The following CELF2 variants were observed in gnomAD, a reference collection of about 807,000 sequenced individuals.
CELF2 encodes the protein CUG triplet repeat RNA-binding protein 2.
CELF2 carries 8 observed loss-of-function variants against 62.6 expected under a neutral mutation model. The observed-to-expected ratio is 0.13, with a 90% CI of 0.07 to 0.23. The LOEUF (loss-of-function observed/expected upper bound fraction) is 0.23, where lower values mean the gene tolerates loss of function less well. Ranked by LOEUF, CELF2 falls within the 10% of genes least tolerant of loss-of-function variation. The pLI is 1.00. For missense variants in CELF2, 333 were observed against 671.0 expected, an observed-to-expected ratio of 0.50 and a Z score of 5.56; for synonymous variants, 258 against 250.0, an observed-to-expected ratio of 1.03 and a Z score of -0.30.
At chr10:10,480,914 A>T in the CELF2 span, among the ~76,000 whole-genome samples, 1 of 152,130 alleles carries the variant, frequency 6.6e-6, no homozygotes, top group African/African-American at 2.4e-5. Flanking sequence ...ATGATAAAGA[A>T]TCTTGCCCAG....
the CELF2 span, among the ~76,000 whole-genome samples, chr10:10,505,122 T>C: frequency 3.9e-5 from 6 of 152,180 alleles, no homozygotes; most frequent in Non-Finnish European, 5.9e-5. Context: ...ACCTAGACAT[T>C]TTTGTCTTAA....
chr10:10,739,993 T>C, the CELF2 span, among the ~76,000 whole-genome samples: 1 of 152,148 alleles, frequency 6.6e-6, no homozygotes, highest in African/African-American at 2.4e-5. Context: ...GCTGTGTGAG[T>C]TCCTGACATA....
chr10:10,501,709 G>A, the CELF2 span, among the ~76,000 whole-genome samples: 1 of 152,108 alleles, frequency 6.6e-6, no homozygotes, highest in Non-Finnish European at 1.5e-5. Context: ...TATGTAGGCA[G>A]TCATATCACT....
At chr10:10,574,872 GTTTTT>G in the CELF2 span, among the ~76,000 whole-genome samples, 1,312 of 105,982 alleles carry the variant, frequency 0.012, 59 homozygotes, top group East Asian at 0.099. Context: ...ACCATGCCTG[GTTTTT>G]TTTTTTTTTT....
chr10:11,197,025 AAAAG>A lies in CELF2; in HGVS notation c.272-20368_272-20365del, dbSNP rs774383276. On this transcript the variant is annotated intron_variant, in intron 2 of 12. Transcript: ENST00000633077. ...AGGAGAAAGAAAGAAAGAAAGAAAG[AAAAG>A]AAAGAAAGAAAGAAAGAAAGAAAGA... Among the ~76,000 whole-genome samples the A allele has an allele frequency of 2.9e-3, 76 of 26,132 alleles. 21 individuals carry two copies. The highest frequency in any genetic ancestry group is 7.4e-3 in the African/African-American group (42 of 5,646). The allele number at this position is 26,132 out of a possible 152,430, so 17.1% of individuals were successfully genotyped here.
chr10:11,195,995 T>A (rs2057363760), intron 2 of CELF2, among the ~76,000 whole-genome samples: 1 of 151,626 alleles, frequency 6.6e-6, no homozygotes, highest in Non-Finnish European at 1.5e-5. Context: ...AAACCTCCTT[T>A]GTCCACGTCC....
At chr10:10,612,697 A>G in the CELF2 span, among the ~76,000 whole-genome samples, 1 of 152,098 alleles carries the variant, frequency 6.6e-6, no homozygotes, top group South Asian at 2.1e-4. Flanking sequence ...TAATCCTGTG[A>G]TACCCTTTGC....
rs1189552878 is a variant in CELF2, at chr10:10,934,556, A to G, written c.89+14557A>G. 2 of 152,238 alleles carry G rather than the reference A, an allele frequency of 1.3e-5. No individual in the cohort carries two copies. The highest frequency in any genetic ancestry group is 3.8e-4 in the East Asian group (2 of 5,202). The allele number at this position is 152,238 out of a possible 1,614,324, so 9.4% of individuals were successfully genotyped here. On this transcript the variant is annotated intron_variant, in intron 2 of 13. Transcript: ENST00000636488. This position sits in a 1 kb window ranked among gnomAD's most constrained non-coding sequence, Gnocchi z 4.4. ...AAACTAATCAATATTATTTGCTTAA[A>G]CTCAGGCAATGAAGGAGGGAGCGAG...
chr10:10,671,157 T>C, the CELF2 span, among the ~76,000 whole-genome samples: 1 of 115,504 alleles, frequency 8.7e-6, no homozygotes, highest in South Asian at 3.1e-4. Context: ...TACTGTGAGA[T>C]CCTGTCTCAA....
intron 2 of CELF2, among the ~76,000 whole-genome samples, chr10:11,202,218 T>C (rs759675860): frequency 6.6e-6 from 1 of 152,226 alleles, no homozygotes; most frequent in Non-Finnish European, 1.5e-5. Context: ...GCGTATAAGA[T>C]TGACTAGTAA....
At chr10:10,914,599 G>A (rs181060507) in intron 1 of CELF2, among the ~76,000 whole-genome samples, 10 of 151,994 alleles carry the variant, frequency 6.6e-5, no homozygotes, top group East Asian at 1.9e-4. Flanking sequence ...TCAAATTTGC[G>A]GAGAGCTTTC....
the CELF2 span, among the ~76,000 whole-genome samples, chr10:10,661,555 G>A: frequency 3.3e-5 from 5 of 152,166 alleles, no homozygotes; most frequent in Admixed American, 3.3e-4. Context: ...GAGTGGAATT[G>A]CTGGCAAATG....
chr10:11,147,264 G>T (rs1034545469), intron 1 of CELF2, among the ~76,000 whole-genome samples: 1 of 152,128 alleles, frequency 6.6e-6, no homozygotes, highest in Admixed American at 6.5e-5. Flanking sequence ...TTTGGGAAAA[G>T]GAATCATACT....
At chr10:11,149,955 A>G (rs2063022036) in intron 1 of CELF2, among the ~76,000 whole-genome samples, 1 of 152,220 alleles carries the variant, frequency 6.6e-6, no homozygotes, top group Non-Finnish European at 1.5e-5. Context: ...AGAAAAGCTC[A>G]CAGTTAAATT....
Position 11,207,154 on chromosome 10 carries a change from G to A in CELF2, c.272-10271G>A, listed in dbSNP as rs2060621073. Among the ~76,000 whole-genome samples, 1 of 152,234 alleles carries A rather than the reference G, an allele frequency of 6.6e-6. No homozygotes were observed. Among genetic ancestry groups the A allele is most frequent in the African/African-American group, 2.4e-5 (1 of 41,446 alleles). ...TTTGGTGGAATTTACATAATCATGGGTGAGGAAGTGTTACAGTATACACAT... is the reference window on the plus strand; with the variant it reads ...TTTGGTGGAATTTACATAATCATGGATGAGGAAGTGTTACAGTATACACAT... On this transcript the variant is annotated intron_variant, in intron 2 of 12. Coordinates refer to ENST00000633077, the MANE Select transcript of CELF2 (RefSeq NM_001326342.2). The surrounding 1 kb of genome is among the most constrained non-coding windows in gnomAD (Gnocchi z 4.1).
intron 5 of CELF2, among the ~76,000 whole-genome samples, chr10:11,258,486 A>G (rs758542057): frequency 6.6e-6 from 1 of 152,198 alleles, no homozygotes; most frequent in Admixed American, 6.5e-5. Context: ...CTTTGCCACC[A>G]TGATAGAAGC....
chr10:11,058,475 T>G (rs1459843029), intron 1 of CELF2, among the ~76,000 whole-genome samples: 3 of 147,450 alleles, frequency 2.0e-5, no homozygotes, highest in African/African-American at 5.0e-5. Flanking sequence ...TTTTTTTTTT[T>G]TTTTTTTTTG....
chr10:11,184,065 C>T (rs2074203101), intron 2 of CELF2, among the ~76,000 whole-genome samples: 1 of 152,076 alleles, frequency 6.6e-6, no homozygotes, highest in Non-Finnish European at 1.5e-5. Flanking sequence ...AGTCTTTGAT[C>T]TATTTTGAGT....
chr10:10,782,723 G>A, the CELF2 span, among the ~76,000 whole-genome samples: 1 of 152,144 alleles, frequency 6.6e-6, no homozygotes, highest in South Asian at 2.1e-4. Flanking sequence ...TCTGAAGGAG[G>A]ATTTATTCAC....
Sources: allele counts gnomAD v4.1 joint callset (sites outside exome capture counted in the v4.1 genomes callset), GRCh38; gene constraint gnomAD v4.1.1; non-coding constraint Gnocchi (gnomAD v3.1); transcripts MANE v1.5; gene names NCBI Gene and HGNC (gene_info 2026-07-23, HGNC 2026-07-21).